The following NALF1 variants were observed in gnomAD, a reference collection of about 807,000 sequenced individuals.
NALF1 encodes the protein family with sequence similarity 155 member A.
In NALF1, 3 loss-of-function variants were observed where a neutral mutation model predicts 48.4. That is an observed-to-expected ratio of 0.06 (90% CI 0.03 to 0.16). NALF1 has a LOEUF of 0.16. Among genes scored for constraint, NALF1 ranks in the 10% least tolerant of loss-of-function variants. NALF1 has a pLI of 1.00. For missense variants in NALF1, 526 were observed against 571.5 expected, an observed-to-expected ratio of 0.92 and a Z score of 0.81; for synonymous variants, 262 against 245.7, an observed-to-expected ratio of 1.07 and a Z score of -0.62.
At chr13:107,289,319 G>A (rs996425679) in intron 1 of NALF1, among the ~76,000 whole-genome samples, 1 of 152,070 alleles carries the variant, frequency 6.6e-6, no homozygotes, top group African/African-American at 2.4e-5. Flanking sequence ...TAAAATATAT[G>A]CTCTCTGAAG....
chr13:107,413,685 C>T (rs1190865107), intron 1 of NALF1, among the ~76,000 whole-genome samples: 1 of 152,136 alleles, frequency 6.6e-6, no homozygotes, highest in Non-Finnish European at 1.5e-5. Context: ...ACTGAGACTA[C>T]ACATTAGGAA....
chr13:107,826,014 C>T (rs34318614), intron 1 of NALF1, among the ~76,000 whole-genome samples: 2 of 152,182 alleles, frequency 1.3e-5, no homozygotes, highest in Non-Finnish European at 2.9e-5. Flanking sequence ...CTCTTGACCT[C>T]GTGACCTGCC....
intron 1 of NALF1, among the ~76,000 whole-genome samples, chr13:107,769,546 G>T (rs1413737607): frequency 4.3e-5 from 5 of 115,026 alleles, no homozygotes; most frequent in African/African-American, 6.6e-5. Context: ...GTTGTGGGGT[G>T]GGGGGAGGGG....
intron 1 of NALF1, among the ~76,000 whole-genome samples, chr13:107,747,093 G>A (rs981531623): frequency 5.3e-5 from 8 of 152,138 alleles, no homozygotes; most frequent in Admixed American, 2.6e-4. Flanking sequence ...ACCAGTGATG[G>A]AGCCCACATG....
chr13:107,520,013 CTGTAAGGATTAATTTTTTAA>C (rs1443033407), intron 1 of NALF1, among the ~76,000 whole-genome samples: 1 of 152,034 alleles, frequency 6.6e-6, no homozygotes, highest in Non-Finnish European at 1.5e-5. Flanking sequence ...AAAATGAATG[CTGTAAGGATTAATTTTTTAA>C]TGCTTTATGA....
intron 1 of NALF1, among the ~76,000 whole-genome samples, chr13:107,639,370 CA>C (rs910581908): frequency 3.2e-4 from 48 of 151,724 alleles, no homozygotes; most frequent in African/African-American, 8.5e-4. Context: ...ATGACCCAGC[CA>C]AAAAAAACAC....
At chr13:107,389,435 A>C (rs1381216299) in intron 1 of NALF1, among the ~76,000 whole-genome samples, 1 of 152,188 alleles carries the variant, frequency 6.6e-6, no homozygotes, top group Non-Finnish European at 1.5e-5. Context: ...TGTAGAAGAA[A>C]GACGACATAG....
intron 1 of NALF1, among the ~76,000 whole-genome samples, chr13:107,749,444 G>A (rs990741141): frequency 6.6e-5 from 10 of 151,830 alleles, no homozygotes; most frequent in South Asian, 2.1e-4. Flanking sequence ...CAGGCGCCAC[G>A]TAGAAAAGTA....
chr13:107,411,306 T>G (rs118039657), intron 1 of NALF1, among the ~76,000 whole-genome samples: 30,496 of 138,080 alleles, frequency 0.22, 3,482 homozygotes, highest in Non-Finnish European at 0.28. Context: ...ATCTTGTTTT[T>G]TTTTTTTTTT....
chr13:107,259,904 C>A (rs1880897279), intron 1 of NALF1, among the ~76,000 whole-genome samples: 1 of 152,188 alleles, frequency 6.6e-6, no homozygotes, highest in Non-Finnish European at 1.5e-5. Flanking sequence ...CAGCTCTACA[C>A]TCCATGAGAG....
At chr13:107,789,303 A>T (rs983777739) in intron 1 of NALF1, among the ~76,000 whole-genome samples, 1 of 152,224 alleles carries the variant, frequency 6.6e-6, no homozygotes, top group Admixed American at 6.5e-5. Flanking sequence ...TACAACAATA[A>T]GTACAGAGTG....
chr13:107,585,203 T>A (rs1566403713), intron 1 of NALF1, among the ~76,000 whole-genome samples: 1 of 152,092 alleles, frequency 6.6e-6, no homozygotes. Flanking sequence ...ATAAATCAAA[T>A]AAAGAATATC....
intron 1 of NALF1, among the ~76,000 whole-genome samples, chr13:107,579,357 C>A (rs1159251404): frequency 6.6e-6 from 1 of 152,232 alleles, no homozygotes; most frequent in African/African-American, 2.4e-5. Context: ...TCCCAAAGTG[C>A]TGGGATTACA....
intron 1 of NALF1, among the ~76,000 whole-genome samples, chr13:107,540,758 G>A (rs932593283): frequency 6.6e-6 from 1 of 152,066 alleles, no homozygotes; most frequent in African/African-American, 2.4e-5. Flanking sequence ...AAGCATTAAA[G>A]TCTGGGATAC....
intron 1 of NALF1, among the ~76,000 whole-genome samples, chr13:107,717,015 T>C (rs1357205516): frequency 6.6e-6 from 1 of 152,162 alleles, no homozygotes; most frequent in East Asian, 1.9e-4. Context: ...TGCATACCCA[T>C]GCTAACACCT....
chr13:107,555,166 AC>A (rs1158243055), intron 1 of NALF1, among the ~76,000 whole-genome samples: 2 of 152,028 alleles, frequency 1.3e-5, no homozygotes, highest in Non-Finnish European at 2.9e-5. Context: ...CACCCGAACC[AC>A]GAGAATAGGG....
At chr13:107,233,890 A>C (rs1880282273) in intron 1 of NALF1, among the ~76,000 whole-genome samples, 1 of 152,224 alleles carries the variant, frequency 6.6e-6, no homozygotes, top group African/African-American at 2.4e-5. Flanking sequence ...GTTATAGATG[A>C]TATGACATGA....
At chr13:107,323,786 C>T (rs1020051919) in intron 1 of NALF1, among the ~76,000 whole-genome samples, 1 of 152,178 alleles carries the variant, frequency 6.6e-6, no homozygotes, top group East Asian at 1.9e-4. Flanking sequence ...TCCTTCTTTG[C>T]CCAACTTTTT....
At chr13:107,218,201 C>G (rs1345600563) in intron 1 of NALF1, among the ~76,000 whole-genome samples, 1 of 152,152 alleles carries the variant, frequency 6.6e-6, no homozygotes, top group Non-Finnish European at 1.5e-5. Flanking sequence ...CCTGTCCATC[C>G]TGTGTGACCT....
Sources: gnomAD v4.1 joint callset for allele counts (sites outside exome capture counted in the v4.1 genomes callset) on GRCh38, gnomAD v4.1.1 for gene constraint, MANE v1.5 for transcripts, NCBI Gene and HGNC (gene_info 2026-07-23, HGNC 2026-07-21) for gene names.